Variants in MARK3 observed in about 807,000 individuals in gnomAD.
MARK3 encodes the protein MAP/microtubule affinity-regulating kinase 3.
In MARK3, 46 loss-of-function variants were observed where a neutral mutation model predicts 90.1. The ratio of observed to expected loss-of-function variants is 0.51; its 90% CI spans 0.40 to 0.65. MARK3 has a LOEUF of 0.65. MARK3 is among the 30% of genes least tolerant of loss of function. The pLI is 0.00. For missense variants in MARK3, 818 were observed against 947.2 expected (o/e 0.86, Z 1.79); for synonymous variants, 321 against 332.6 (o/e 0.97, Z 0.38).
At chr14:103,443,488 A>G (rs2092913960) in intron 3 of MARK3, among the ~76,000 whole-genome samples, 1 of 152,232 alleles carries the variant, frequency 6.6e-6, no homozygotes. Context: ...TTGTTTCCCC[A>G]AAGATTCACT....
chr14:103,484,168 T>TTTTTTTTC (rs1555401368), intron 14 of MARK3, among the ~76,000 whole-genome samples: 1 of 148,310 alleles, frequency 6.7e-6, no homozygotes, highest in Non-Finnish European at 1.5e-5. Context: ...CTTTTCTTTT[T>TTTTTTTTC]TTTTTTTCTT....
At position 103,475,239 on chromosome 14, in the gene MARK3, T is replaced by C. The variant is rs746163708; in HGVS notation, c.1482+29T>C. Reference sequence around the variant, plus strand: ...AGTGTTGTTGAACTATAGAGTGGTCTTAGGGTGGTAGGGTTGGAACCAGCT... The same window carrying C: ...AGTGTTGTTGAACTATAGAGTGGTCCTAGGGTGGTAGGGTTGGAACCAGCT... On this transcript the variant is annotated intron_variant, in intron 13 of 17. Coordinates refer to ENST00000429436, the MANE Select transcript of MARK3 (RefSeq NM_001128918.3). The C allele has an allele frequency of 3.1e-6, 5 of 1,599,274 alleles. No homozygotes were observed. In the Admixed American group the frequency reaches 8.3e-5, roughly 27 times the overall value.
At chr14:103,460,232 C>G (rs1027489794) in intron 6 of MARK3, among the ~76,000 whole-genome samples, 1 of 151,710 alleles carries the variant, frequency 6.6e-6, no homozygotes, top group Non-Finnish European at 1.5e-5. Flanking sequence ...AATACAGATG[C>G]CTGCCACTAC....
chr14:103,402,410 G>A (rs749505337), intron 1 of MARK3, among the ~76,000 whole-genome samples: 2 of 152,012 alleles, frequency 1.3e-5, no homozygotes, highest in African/African-American at 2.4e-5. Flanking sequence ...AAAATTAGCC[G>A]GGTATGGTGG....
chr14:103,392,736 C>T (rs2090335499), intron 1 of MARK3, among the ~76,000 whole-genome samples: 2 of 151,898 alleles, frequency 1.3e-5, no homozygotes, highest in South Asian at 4.1e-4. Flanking sequence ...GATCACTTAA[C>T]TGTATACCAG....
intron 1 of MARK3, among the ~76,000 whole-genome samples, chr14:103,391,820 A>AGTGCTG: frequency 6.6e-6 from 1 of 150,522 alleles, no homozygotes; most frequent in South Asian, 2.1e-4. Context: ...GGCCTCCCAA[A>AGTGCTG]GTGCTGGGAT....
chr14:103,468,037 A>G lies in MARK3; in HGVS notation c.1115A>G (p.Asp372Gly). The G allele has an allele frequency of 1.2e-6, 2 of 1,613,060 alleles. No individual in the cohort carries two copies. ...LLLGRKSSEL[D>G]ASDSSSSSNL... ...GTTTTTCTCATTTTCTCTTAGCTGG[A>G]TGCTAGTGATTCCAGTTCTAGCAGC... The change falls in exon 12 of 18, where the codon GAT becomes GGT. Residue 372 changes from aspartate (D) to glycine (G), a missense_variant. Asp to Gly is a moderately conservative substitution (Grantham distance 94). Coordinates refer to ENST00000429436, the MANE Select transcript of MARK3 (RefSeq NM_001128918.3).
At chr14:103,465,307 C>G (rs1284763366) in intron 7 of MARK3, among the ~76,000 whole-genome samples, 3 of 152,240 alleles carry the variant, frequency 2.0e-5, no homozygotes, top group Middle Eastern at 6.8e-3. Flanking sequence ...CAAGGCTTTT[C>G]TTGATCTTGG....
At chr14:103,439,787 CT>C (rs541043313) in intron 3 of MARK3, among the ~76,000 whole-genome samples, 1 of 151,690 alleles carries the variant, frequency 6.6e-6, no homozygotes, top group African/African-American at 2.4e-5. Flanking sequence ...GCTTTGCTTC[CT>C]TTTTTTTGTT....
At chr14:103,484,188 T>C (rs1349342404) in intron 14 of MARK3, among the ~76,000 whole-genome samples, 1 of 151,902 alleles carries the variant, frequency 6.6e-6, no homozygotes, top group Non-Finnish European at 1.5e-5. Flanking sequence ...TTTTTTCTTT[T>C]TTTTTCTGCG....
chr14:103,498,198 ACT>A (rs1396476492), intron 15 of MARK3, among the ~76,000 whole-genome samples: 1 of 125,690 alleles, frequency 8.0e-6, no homozygotes, highest in Non-Finnish European at 1.8e-5. Flanking sequence ...ACAGAGTGAG[ACT>A]CTGTCTTTAA....
intron 2 of MARK3, among the ~76,000 whole-genome samples, chr14:103,427,559 T>G (rs2092451928): frequency 6.6e-6 from 1 of 150,690 alleles, no homozygotes; most frequent in Non-Finnish European, 1.5e-5. Flanking sequence ...CAGTATCAGC[T>G]GCTTGACTGA....
At chr14:103,434,650 G>A (rs750635376) in intron 3 of MARK3, among the ~76,000 whole-genome samples, 1 of 152,128 alleles carries the variant, frequency 6.6e-6, no homozygotes, top group Non-Finnish European at 1.5e-5. Context: ...CATGAGACTC[G>A]AAATTTACAT....
chr14:103,484,141 A>C (rs2093877336), intron 14 of MARK3, among the ~76,000 whole-genome samples: 1 of 151,582 alleles, frequency 6.6e-6, no homozygotes, highest in Admixed American at 6.6e-5. Flanking sequence ...CTGGTGTTAC[A>C]GTAATGCAAA....
rs183644559 is a variant in MARK3 at position 103,490,992 on chromosome 14, G to A, written c.1587-785G>A. On this transcript the variant is annotated intron_variant, in intron 14 of 17. Coordinates refer to ENST00000429436, the MANE Select transcript of MARK3 (RefSeq NM_001128918.3). ...CGCTTACGCAGCTAGCCCTGCCTCA[G>A]TTTGTACATCTACCTGTCGGCTGAG... is the stretch of plus-strand genomic sequence containing the variant. The A allele has an allele frequency of 5.5e-4, 702 of 1,287,206 alleles. 3 individuals are homozygous for A. The African/African-American group carries it at 1.0e-2, about 18-fold the overall frequency. 79.7% of individuals were successfully genotyped at this position (1,287,206 alleles called of 1,614,324 possible).
At chr14:103,444,486 T>C (rs1222407060) in intron 3 of MARK3, among the ~76,000 whole-genome samples, 1 of 152,184 alleles carries the variant, frequency 6.6e-6, no homozygotes, top group Non-Finnish European at 1.5e-5. Flanking sequence ...TGTATTAAGA[T>C]AGTAGAAATA....
rs1566825869 is a variant in MARK3, at chr14:103,428,367, ATATT to A, written c.244-15_244-12del. 7.8e-7 allele frequency: 1 copy of A among 1,277,242 alleles called. No homozygotes were observed. The highest frequency in any genetic ancestry group is 2.5e-5 in the Admixed American group (1 of 40,030). 79.1% of individuals were successfully genotyped at this position (1,277,242 alleles called of 1,614,324 possible). ...ATTACTAAATTCTTAAAATCCATAA[ATATT>A]TATTATTCTTTCTAGGTTGCAATAA... On this transcript the variant is annotated splice_polypyrimidine_tract_variant and intron_variant, in intron 2 of 17. Coordinates refer to ENST00000429436, the MANE Select transcript of MARK3 (RefSeq NM_001128918.3).
intron 1 of MARK3, among the ~76,000 whole-genome samples, chr14:103,392,846 T>C (rs1343706090): frequency 6.6e-6 from 1 of 151,926 alleles, no homozygotes; most frequent in South Asian, 2.1e-4. Flanking sequence ...AGTCTCACAC[T>C]GTTACCTGGG....
chr14:103,398,481 T>C (rs1261505248), intron 1 of MARK3, among the ~76,000 whole-genome samples: 1 of 152,212 alleles, frequency 6.6e-6, no homozygotes, highest in Non-Finnish European at 1.5e-5. Flanking sequence ...GGGTTGGTGA[T>C]TTTTATCAAA....
Sources: allele counts gnomAD v4.1 joint callset (sites outside exome capture counted in the v4.1 genomes callset), GRCh38; gene constraint gnomAD v4.1.1; transcripts MANE v1.5; gene names NCBI Gene and HGNC (gene_info 2026-07-23, HGNC 2026-07-21).